ADAM22: variants seen among roughly 807,000 people sequenced by gnomAD.
ADAM22 encodes the protein ADAM metallopeptidase domain 22.
ADAM22 carries 65 observed loss-of-function variants against 144.6 expected under a neutral mutation model. That is an observed-to-expected ratio of 0.45 (90% CI 0.37 to 0.55). The LOEUF (loss-of-function observed/expected upper bound fraction) is 0.55. ADAM22 is among the 20% of genes least tolerant of loss of function. The probability of loss-of-function intolerance (pLI) is 0.00; values close to 1 mark genes in which losing one functional copy is unlikely to be tolerated. For missense variants in ADAM22, 974 were observed against 1,184.9 expected (o/e 0.82, Z 2.61); for synonymous variants, 391 against 412.6 (o/e 0.95, Z 0.63).
chr7:88,044,371 G>A (rs1803967346), intron 3 of ADAM22, among the ~76,000 whole-genome samples: 1 of 152,188 alleles, frequency 6.6e-6, no homozygotes, highest in African/African-American at 2.4e-5. Flanking sequence ...ATGATAACAT[G>A]CAGATGGATG....
chr7:88,049,770 C>A (rs1165272410), intron 3 of ADAM22, among the ~76,000 whole-genome samples: 1 of 152,146 alleles, frequency 6.6e-6, no homozygotes, highest in African/African-American at 2.4e-5. Context: ...TTACCTTGAT[C>A]ATAAATTGAG....
intron 21 of ADAM22, 104 bp from the exon 22 acceptor site, chr7:88,155,783 A>G: frequency 7.3e-7 from 1 of 1,363,756 alleles, no homozygotes; most frequent in Non-Finnish European, 1.0e-6. Context: ...AGTAGATAAT[A>G]TACTTGATGA....
In ADAM22 at chr7:88,137,170, A is replaced by C. The variant is rs533936205; in HGVS notation, c.1220+1139A>C. 2.0e-5 allele frequency among the ~76,000 whole-genome samples: 3 copies of C among 152,308 alleles called. No homozygotes were observed. The South Asian group carries it at 6.2e-4, about 32-fold the overall frequency. ...CATGTTTTCAGTTTATGTGAAATAC[A>C]TCATGCTGTATGTATTCTTCTGTGA... is the stretch of plus-strand genomic sequence containing the variant. On this transcript the variant is annotated intron_variant, in intron 14 of 31. Coordinates refer to ENST00000413139, the MANE Select transcript of ADAM22 (RefSeq NM_001324418.2).
chr7:88,003,504 A>G (rs1337501334), intron 3 of ADAM22, among the ~76,000 whole-genome samples: 1 of 152,172 alleles, frequency 6.6e-6, no homozygotes, highest in African/African-American at 2.4e-5. Flanking sequence ...TCTCCCCCCA[A>G]ATTTGATGTA....
At chr7:87,973,426 A>G (rs964944686) in intron 2 of ADAM22, among the ~76,000 whole-genome samples, 2 of 152,074 alleles carry the variant, frequency 1.3e-5, no homozygotes, top group African/African-American at 4.8e-5. Context: ...ATCATTAAAA[A>G]GTCAGGAAAC....
chr7:88,096,501 C>CGT (rs1821348957), intron 4 of ADAM22, among the ~76,000 whole-genome samples: 1 of 150,764 alleles, frequency 6.6e-6, no homozygotes, highest in Non-Finnish European at 1.5e-5. Flanking sequence ...TCCACACACA[C>CGT]ATATATATAT....
At chr7:87,955,599 G>A (rs921377286) in intron 2 of ADAM22, among the ~76,000 whole-genome samples, 1 of 152,218 alleles carries the variant, frequency 6.6e-6, no homozygotes, top group South Asian at 2.1e-4. Context: ...CACTTGAGGA[G>A]GCAGTCTGCC....
At chr7:88,080,542 A>G (rs1816212056) in intron 4 of ADAM22, among the ~76,000 whole-genome samples, 1 of 152,244 alleles carries the variant, frequency 6.6e-6, no homozygotes, top group South Asian at 2.1e-4. Flanking sequence ...CCTTCAAAAA[A>G]TCAATGAATC....
intron 4 of ADAM22, among the ~76,000 whole-genome samples, chr7:88,097,585 T>C (rs1821730341): frequency 6.6e-6 from 1 of 151,326 alleles, no homozygotes; most frequent in African/African-American, 2.4e-5. Flanking sequence ...TTCCTTTTTT[T>C]CCTTACCTTA....
At chr7:88,121,502 G>T (rs1367254645) in intron 7 of ADAM22, among the ~76,000 whole-genome samples, 2 of 152,132 alleles carry the variant, frequency 1.3e-5, no homozygotes, top group Non-Finnish European at 2.9e-5. Flanking sequence ...GTTTAGCTGG[G>T]TGCCTGTGGC....
chr7:88,117,906 G>T (rs1828223384), intron 7 of ADAM22, among the ~76,000 whole-genome samples: 1 of 152,052 alleles, frequency 6.6e-6, no homozygotes, highest in South Asian at 2.1e-4. Context: ...TATTGGGTAG[G>T]CTGGTCTCGA....
At chr7:88,092,542 C>A (rs2129485177) in intron 4 of ADAM22, among the ~76,000 whole-genome samples, 1 of 152,276 alleles carries the variant, frequency 6.6e-6, no homozygotes, top group Admixed American at 6.5e-5. Context: ...GTGCATTTCC[C>A]CCCTGGCAGG....
chr7:87,969,133 A>G (rs1389871799), intron 2 of ADAM22, among the ~76,000 whole-genome samples: 1 of 152,234 alleles, frequency 6.6e-6, no homozygotes, highest in African/African-American at 2.4e-5. Flanking sequence ...AATCCTAACC[A>G]TATCACCAAA....
At chr7:88,021,700 C>T (rs1797863453) in intron 3 of ADAM22, among the ~76,000 whole-genome samples, 1 of 152,120 alleles carries the variant, frequency 6.6e-6, no homozygotes, top group African/African-American at 2.4e-5. Flanking sequence ...TGCTGAATTT[C>T]AGGAATGACT....
intron 4 of ADAM22, among the ~76,000 whole-genome samples, chr7:88,093,079 A>G (rs966549191): frequency 6.6e-6 from 1 of 152,202 alleles, no homozygotes; most frequent in African/African-American, 2.4e-5. Context: ...CTAACTGATG[A>G]TATTTCCATG....
chr7:87,964,676 CAGAT>C lies in ADAM22; in HGVS notation c.247-13658_247-13655del, dbSNP rs141967361. The C allele has an allele frequency of 1.3e-3, 572 of 425,330 alleles. 4 individuals are homozygous for C. Among genetic ancestry groups the C allele is most frequent in the African/African-American group, 0.01 (503 of 48,208 alleles). 26.3% of individuals were successfully genotyped at this position (425,330 alleles called of 1,614,324 possible). On this transcript the variant is annotated intron_variant, in intron 2 of 31. Transcript: ENST00000413139. ...GTCAGAATCCCAGAAGACCATATAC[CAGAT>C]ACAGGTAATGCAGTACCTATAACAA...
chr7:88,106,641 T>A (rs1246417807), intron 4 of ADAM22, among the ~76,000 whole-genome samples: 1 of 152,174 alleles, frequency 6.6e-6, no homozygotes, highest in East Asian at 1.9e-4. Context: ...TTTCAGCTAC[T>A]GAAGAAATAG....
chr7:88,185,260 A>G (rs552521462), intron 29 of ADAM22, among the ~76,000 whole-genome samples: 2 of 152,332 alleles, frequency 1.3e-5, no homozygotes, highest in Admixed American at 6.5e-5. Context: ...TTATAAGCAG[A>G]AAAAGCAACT....
At chr7:87,939,526 T>C (rs1047626800) in intron 2 of ADAM22, among the ~76,000 whole-genome samples, 10 of 152,230 alleles carry the variant, frequency 6.6e-5, no homozygotes, top group African/African-American at 2.4e-4. Context: ...ACTGTAGCTG[T>C]GTACTTTAGT....
Sources: gnomAD v4.1 joint callset for allele counts (sites outside exome capture counted in the v4.1 genomes callset) on GRCh38, gnomAD v4.1.1 for gene constraint, MANE v1.5 for transcripts, NCBI Gene and HGNC (gene_info 2026-07-23, HGNC 2026-07-21) for gene names.